Variants in CCNL2 observed in about 807,000 individuals in gnomAD.
CCNL2 encodes cyclin L2.
In CCNL2, 28 loss-of-function variants were observed where a neutral mutation model predicts 59.1. The ratio of observed to expected loss-of-function variants is 0.47; its 90% confidence interval spans 0.35 to 0.65. The LOEUF (loss-of-function observed/expected upper bound fraction) is 0.65, where lower values mean the gene tolerates loss of function less well. Among genes scored for constraint, CCNL2 ranks in the 30% least tolerant of loss-of-function variants. The pLI is 0.00. For synonymous variants in CCNL2, 342 were observed against 288.6 expected, an observed-to-expected ratio of 1.19 and a Z score of -1.88; for missense variants, 714 against 717.4, an observed-to-expected ratio of 1.00 and a Z score of 0.05.
chr1:1,395,499 T>C lies in CCNL2; in HGVS notation c.489A>G (p.Leu163=), dbSNP rs776038216. ...AATTAACATAATCTTGATCCAGTAGTAGAGGCACGGGCTTCCTGCCAGAGA... is the reference window on the plus strand; with the variant it reads ...AATTAACATAATCTTGATCCAGTAGCAGAGGCACGGGCTTCCTGCCAGAGA... ...QLRDKKKPVP[L]LLDQDYVNLK... Residue 163 remains leucine (L), a synonymous_variant, in exon 4 of 11, where the codon CTA becomes CTG. Coordinates refer to ENST00000400809, the MANE Select transcript of CCNL2 (RefSeq NM_030937.6). The C allele has an allele frequency of 6.2e-7, 1 of 1,614,086 alleles. No individual in the cohort carries two copies. The highest frequency in any genetic ancestry group is 2.2e-5 in the East Asian group (1 of 44,878).
chr1:1,398,982 G>A (rs772167542), intron 1 of CCNL2, 37 bp downstream of exon 1: 35 of 1,559,022 alleles, frequency 2.2e-5, no homozygotes, highest in Middle Eastern at 1.9e-4. Context: ...CCGCCCCAGC[G>A]GTTACCTGGG....
intron 1 of CCNL2, 127 bp downstream of exon 1, chr1:1,398,892 G>A (rs1645205539): frequency 7.0e-7 from 1 of 1,422,776 alleles, no homozygotes; most frequent in East Asian, 2.6e-5. Flanking sequence ...TGGCGCCGAG[G>A]CTGGGGTCGG....
In CCNL2 at chr1:1,387,305, G is replaced by A. The variant is rs879009298; in HGVS notation, c.1489C>T (p.Arg497Cys). The change falls in exon 11 of 11, where the codon CGC becomes TGC. Residue 497 changes from arginine (R) to cysteine (C), a missense_variant. Physicochemically the swap from Arg to Cys is radical, Grantham distance 180. This residue lies in a region of CCNL2 where 403 missense variants were observed against 377.7 expected (regional missense o/e 1.07). Transcript: ENST00000400809. ...CCTGTGCGTTCATACGACCTCGAGC[G>A]CTCTCGTCGCTGATCTCTGTAGTAA... is the stretch of plus-strand genomic sequence containing the variant. Reference protein sequence around the residue: ...SHYYRDQRRERSRSYERTGRR... With the variant: ...SHYYRDQRRECSRSYERTGRR... 1.3e-4 allele frequency: 209 copies of A among 1,613,544 alleles called. No individual in the cohort carries two copies. Among genetic ancestry groups the A allele is most frequent in the Middle Eastern group, 1.6e-4 (1 of 6,084 alleles).
chr1:1,387,719 C>A (rs1046874518), intron 10 of CCNL2, 58 bp downstream of exon 10: 5 of 1,494,828 alleles, frequency 3.3e-6, no homozygotes, highest in Non-Finnish European at 4.6e-6. Flanking sequence ...AGAATGATTA[C>A]CCCGAGGGAC....
rs1331187504 is a variant in CCNL2 at position 1,388,125 on chromosome 1, G to T, written c.1007-60C>A. The T allele has an allele frequency of 2.2e-6, 3 of 1,394,304 alleles. No individual in the cohort carries two copies. In the African/African-American group the frequency reaches 4.3e-5, roughly 20 times the overall value. 86.4% of individuals were successfully genotyped at this position (1,394,304 alleles called of 1,614,324 possible). On this transcript the variant is annotated intron_variant, in intron 8 of 10. Transcript: ENST00000400809. ...AAAACACTCTCCCAATAAGAAACAAGTTCGTAGAGCGAGATAAGGCCCCTC... is the reference window on the plus strand; with the variant it reads ...AAAACACTCTCCCAATAAGAAACAATTTCGTAGAGCGAGATAAGGCCCCTC...
Position 1,386,987 on chromosome 1 carries a change from C to T in CCNL2, c.*244G>A, listed in dbSNP as rs1176214955. 2 of 457,618 alleles carry T rather than the reference C, an allele frequency of 4.4e-6. No homozygotes were observed. Among genetic ancestry groups the T allele is most frequent in the African/African-American group, 2.0e-5 (1 of 50,878 alleles). The allele number at this position is 457,618 out of a possible 1,614,324, so 28.3% of individuals were successfully genotyped here. ...CTCAGAGCTGCTGCCGAGCTGAGCC[C>T]TGCACGGGCCCAGGTGTGCGCCGCA... On this transcript the variant is annotated 3_prime_UTR_variant, in exon 11 of 11. Transcript: ENST00000400809.
chr1:1,391,572 G>C lies in CCNL2; in HGVS notation c.660-707C>G, dbSNP rs961222633. The C allele has an allele frequency of 6.1e-6, 8 of 1,304,828 alleles. No individual in the cohort carries two copies. In the African/African-American group the frequency reaches 9.1e-5, roughly 15 times the overall value. 80.8% of individuals were successfully genotyped at this position (1,304,828 alleles called of 1,614,324 possible). A position where few individuals can be genotyped will look rare whatever the true frequency, so the allele number is the denominator to read the frequency against. On this transcript the variant is annotated intron_variant, in intron 5 of 10. Coordinates refer to ENST00000400809, the MANE Select transcript of CCNL2 (RefSeq NM_030937.6). ...CTGCCAACTGTCCCATTTCAACAAG[G>C]GGTCTTAAAATGAACATTCATAGAA...
chr1:1,390,295 C>A lies in CCNL2; in HGVS notation c.941G>T (p.Gly314Val). 1 of 1,613,894 alleles carries A rather than the reference C, an allele frequency of 6.2e-7. No individual in the cohort carries two copies. Among genetic ancestry groups the A allele is most frequent in the Non-Finnish European group, 8.5e-7 (1 of 1,179,836 alleles). Residue 314 changes from glycine (G) to valine (V), a missense_variant, in exon 8 of 11, where the codon GGC becomes GTC. Coordinates refer to ENST00000400809, the MANE Select transcript of CCNL2 (RefSeq NM_030937.6). The stretch of plus-strand genomic sequence containing the variant: ...CACCTGTGTGCCCCCAGGCAACAGG[C>A]CCCGGGCTTGGGCCTTTGCCTCTTC... ...AIEEAKAQAR[G>V]LLPGGTQVLD... is the part of the protein sequence containing the mutation.
intron 8 of CCNL2, chr1:1,388,772 GAAAAAAAA>G: frequency 5.9e-5 from 9 of 152,148 alleles, no homozygotes; most frequent in Non-Finnish European, 9.4e-5. Context: ...CTCCGTCTCA[GAAAAAAAA>G]AAAAAAAAAA....
Position 1,386,924 on chromosome 1 carries a change from A to C in CCNL2, c.*307T>G. 1 of 330,042 alleles carries C rather than the reference A, an allele frequency of 3.0e-6. No individual in the cohort carries two copies. Among genetic ancestry groups the C allele is most frequent in the Non-Finnish European group, 5.5e-6 (1 of 180,778 alleles). 20.4% of individuals were successfully genotyped at this position (330,042 alleles called of 1,614,324 possible). On this transcript the variant is annotated 3_prime_UTR_variant, in exon 11 of 11. Transcript: ENST00000400809. The stretch of plus-strand genomic sequence containing the variant: ...GCACCAGGCCATGCCAGGCCACGCC[A>C]ACAAGGGCGTGTGCATTCACTTTTT...
Position 1,390,259 on chromosome 1 carries a change from G to C in CCNL2, c.977C>G (p.Thr326Ser), listed in dbSNP as rs1482683772. 3.7e-6 allele frequency: 6 copies of C among 1,613,014 alleles called. No individual in the cohort carries two copies. The highest frequency in any genetic ancestry group is 4.2e-6 in the Non-Finnish European group (5 of 1,179,136). The change falls in exon 8 of 11, where the codon ACC becomes AGC. Residue 326 changes from threonine (T) to serine (S), a missense_variant. By Grantham distance (58) the Thr-to-Ser change is moderately conservative. Coordinates refer to ENST00000400809, the MANE Select transcript of CCNL2 (RefSeq NM_030937.6). ...LPGGTQVLDGTSGFSPAPKLV... is the reference protein window; with the variant it reads ...LPGGTQVLDGSSGFSPAPKLV... ...CTTGGGGGCAGGAGAGAACCCCGAGGTACCATCCAGCACCTGTGTGCCCCC... is the reference window on the plus strand; with the variant it reads ...CTTGGGGGCAGGAGAGAACCCCGAGCTACCATCCAGCACCTGTGTGCCCCC...
In CCNL2 at chr1:1,398,571, G is replaced by C. The variant is rs200654353; in HGVS notation, c.363+26C>G. 2,045 of 1,607,860 alleles carry C rather than the reference G, an allele frequency of 1.3e-3. 28 individuals carry two copies. The highest frequency in any genetic ancestry group is 3.0e-4 in the Non-Finnish European group (350 of 1,174,594). On this transcript the variant is annotated intron_variant, in intron 2 of 10. Transcript: ENST00000400809. ...TTTTACCCTCAACATACTTCGCTGG[G>C]AATGAAGTGCAGGAGGAAGCCTTAC...
chr1:1,393,584 C>A (rs775457360), intron 4 of CCNL2, 124 bp from the exon 5 acceptor site: 14 of 811,024 alleles, frequency 1.7e-5, no homozygotes, highest in Non-Finnish European at 2.3e-5. Context: ...CCTGGCCACA[C>A]GTCTGGCGGA....
chr1:1,388,410 ACTCCAGAGGCT>A, intron 8 of CCNL2: 1 of 414,590 alleles, frequency 2.4e-6, no homozygotes, highest in South Asian at 1.8e-5. Context: ...AGTCCCAGCT[ACTCCAGAGGCT>A]GAAGCAGAAG....
chr1:1,387,607 C>G (rs559646262), intron 10 of CCNL2, 25 bp from the exon 11 acceptor site: 4 of 1,465,442 alleles, frequency 2.7e-6, no homozygotes, highest in Non-Finnish European at 3.6e-6. Context: ...AGCACCACCA[C>G]ACGTGTGACC....
intron 3 of CCNL2, among the ~76,000 whole-genome samples, chr1:1,396,729 G>A (rs572695731): frequency 7.3e-5 from 11 of 150,776 alleles, no homozygotes; most frequent in Admixed American, 5.3e-4. Context: ...ACAGGCACCC[G>A]CAACCACACC....
In CCNL2 at chr1:1,399,166, G is replaced by T; in HGVS notation, c.141C>A (p.Ile47=). The part of the protein sequence containing the change: ...IGDRLYSGVL[I]TLENCLLPDD... ...CAGGCAGGAGGCAGTTCTCCAAGGT[G>T]ATGAGCACCCCGGAGTACAGCCTGT... The change falls in exon 1 of 11, where the codon ATC becomes ATA. Residue 47 remains isoleucine, a synonymous_variant. Coordinates refer to ENST00000400809, the MANE Select transcript of CCNL2 (RefSeq NM_030937.6). The T allele has an allele frequency of 6.2e-7, 1 of 1,611,944 alleles. No homozygotes were observed. Among genetic ancestry groups the T allele is most frequent in the Non-Finnish European group, 8.5e-7 (1 of 1,179,408 alleles).
chr1:1,399,193 C>A lies in CCNL2; in HGVS notation c.114G>T (p.Gly38=). The A allele has an allele frequency of 6.2e-7, 1 of 1,609,480 alleles. No homozygotes were observed. Among genetic ancestry groups the A allele is most frequent in the South Asian group, 1.1e-5 (1 of 90,682 alleles). The part of the protein sequence containing the change: ...APSGSQGVLI[G]DRLYSGVLIT... ...TGAGCACCCCGGAGTACAGCCTGTC[C>A]CCGATCAGCACCCCCTGCGACCCTG... is the stretch of plus-strand genomic sequence containing the variant. Residue 38 remains glycine (G), a synonymous_variant, in exon 1 of 11, where the codon GGG becomes GGT. Coordinates refer to ENST00000400809, the MANE Select transcript of CCNL2 (RefSeq NM_030937.6).
rs762667799 is a variant in CCNL2, at chr1:1,392,929, ACCAGAATCC to A, written c.659+458_659+466del. On this transcript the variant is annotated intron_variant, in intron 5 of 10. Coordinates refer to ENST00000400809, the MANE Select transcript of CCNL2 (RefSeq NM_030937.6). Reference sequence around the variant, plus strand: ...GACTTAACTCCATGGGAAAAAATTCACCAGAATCCCCAGAATCCCCCAAATACTACATTG... The same window carrying A: ...GACTTAACTCCATGGGAAAAAATTCACCAGAATCCCCCAAATACTACATTG... 208 of 953,354 alleles carry A rather than the reference ACCAGAATCC, an allele frequency of 2.2e-4. 1 individual carries two copies. The highest frequency in any genetic ancestry group is 3.0e-4 in the Non-Finnish European group (182 of 616,068). The allele number at this position is 953,354 out of a possible 1,614,324, so 59.1% of individuals were successfully genotyped here.
Sources: gnomAD v4.1 joint callset for allele counts (sites outside exome capture counted in the v4.1 genomes callset) on GRCh38, gnomAD v4.1.1 for gene constraint, gnomAD v4.1.1 regional missense constraint, MANE v1.5 for transcripts, NCBI Gene and HGNC (gene_info 2026-07-23, HGNC 2026-07-21) for gene names.